The following NAV2 variants were observed in gnomAD, a reference collection of about 807,000 sequenced individuals.
NAV2 encodes helicase, APC down-regulated 1.
Under a neutral mutation model 223.2 loss-of-function variants are expected in NAV2, and 54 were observed. That is an observed-to-expected ratio of 0.24 (90% CI 0.19 to 0.30). The LOEUF is 0.30. Ranked by LOEUF, NAV2 falls within the 10% of genes least tolerant of loss-of-function variation. NAV2 has a pLI of 1.00. For synonymous variants in NAV2, 1,279 were observed against 1,239.3 expected (o/e 1.03, Z -0.67); for missense variants, 2,806 against 3,147.5 (o/e 0.89, Z 2.60).
chr11:19,703,075 A>G (rs767677901), intron 1 of NAV2, among the ~76,000 whole-genome samples: 3 of 151,716 alleles, frequency 2.0e-5, no homozygotes, highest in Admixed American at 6.6e-5. Context: ...ACACACATAA[A>G]TATATTAGCA....
At chr11:19,913,868 G>C (rs772958894) in intron 6 of NAV2, among the ~76,000 whole-genome samples, 1 of 152,078 alleles carries the variant, frequency 6.6e-6, no homozygotes, top group East Asian at 1.9e-4. Context: ...TATAGGGACC[G>C]CATAGTCTCC....
At chr11:19,674,627 A>T (rs2048666479) in intron 1 of NAV2, among the ~76,000 whole-genome samples, 1 of 152,206 alleles carries the variant, frequency 6.6e-6, no homozygotes, top group Non-Finnish European at 1.5e-5. Flanking sequence ...AACAGCTTCA[A>T]GTTTCTGTGA....
chr11:19,918,101 G>C (rs2043959538), intron 6 of NAV2, among the ~76,000 whole-genome samples: 1 of 152,228 alleles, frequency 6.6e-6, no homozygotes, highest in Non-Finnish European at 1.5e-5. Flanking sequence ...CCCCTCTTCA[G>C]GGAGAGAACC....
At chr11:20,047,239 T>C (rs548331698) in intron 14 of NAV2, among the ~76,000 whole-genome samples, 2 of 152,374 alleles carry the variant, frequency 1.3e-5, no homozygotes, top group South Asian at 4.1e-4. Flanking sequence ...ACCCTTAGGC[T>C]AGTGTAATGG....
intron 6 of NAV2, among the ~76,000 whole-genome samples, chr11:19,932,309 T>C (rs1337573282): frequency 6.7e-6 from 1 of 148,378 alleles, no homozygotes; most frequent in South Asian, 2.1e-4. Flanking sequence ...ACCTGAACCA[T>C]GTTTGCAACG....
chr11:19,939,726 C>T lies in NAV2; in HGVS notation c.2099C>T (p.Pro700Leu). 6.2e-7 allele frequency: 1 copy of T among 1,614,118 alleles called. No individual in the cohort carries two copies. Among genetic ancestry groups the T allele is most frequent in the Non-Finnish European group, 8.5e-7 (1 of 1,180,010 alleles). Residue 700 changes from proline to leucine, a missense_variant, in exon 8 of 38, where the codon CCC becomes CTC. By Grantham distance (98) the Pro-to-Leu change is moderately conservative. Transcript: ENST00000349880. The stretch of plus-strand genomic sequence containing the variant: ...AGCTCAACAGGTGTGAGCGTGGAGC[C>T]CAGCCACTTCACCAAGACTGGACAG... ...ESSSTGVSVE[P>L]SHFTKTGQPA...
intron 1 of NAV2, among the ~76,000 whole-genome samples, chr11:19,402,811 G>T (rs761132142): frequency 7.9e-5 from 12 of 152,222 alleles, no homozygotes; most frequent in Non-Finnish European, 1.6e-4. Context: ...ATGGCACATT[G>T]TGGGTTCTCA....
chr11:19,910,169 AT>A (rs1325704026), intron 6 of NAV2, among the ~76,000 whole-genome samples: 1 of 152,242 alleles, frequency 6.6e-6, no homozygotes, highest in African/African-American at 2.4e-5. Flanking sequence ...ACGGGCCTAC[AT>A]TATGCAGCTA....
At chr11:19,938,302 G>T (rs752648157) in intron 7 of NAV2, among the ~76,000 whole-genome samples, 1 of 152,130 alleles carries the variant, frequency 6.6e-6, no homozygotes, top group Non-Finnish European at 1.5e-5. Context: ...AACTTAGGAA[G>T]AGTGTAGAAT....
intron 36 of NAV2, 39 bp from the exon 37 acceptor site, chr11:20,114,553 G>T: frequency 1.3e-6 from 2 of 1,597,696 alleles, no homozygotes; most frequent in South Asian, 1.1e-5. Context: ...AGAGAGATCT[G>T]GGCCACTTCC....
intron 1 of NAV2, among the ~76,000 whole-genome samples, chr11:19,634,070 T>C (rs2047422686): frequency 6.6e-6 from 1 of 152,234 alleles, no homozygotes; most frequent in Non-Finnish European, 1.5e-5. Flanking sequence ...CTTGCCCCTC[T>C]CACCTGTGTC....
intron 8 of NAV2, among the ~76,000 whole-genome samples, chr11:19,943,227 T>A (rs2046553300): frequency 6.6e-6 from 1 of 152,146 alleles, no homozygotes; most frequent in South Asian, 2.1e-4. Context: ...TGTGGCCAAA[T>A]TGGCAGTAAA....
intron 1 of NAV2, among the ~76,000 whole-genome samples, chr11:19,500,197 G>C (rs1005719915): frequency 2.0e-5 from 3 of 152,108 alleles, no homozygotes; most frequent in Non-Finnish European, 4.4e-5. Flanking sequence ...CTCCTATTCC[G>C]TGGCCATGAG....
At chr11:19,891,819 AGAT>A (rs1263420062) in intron 5 of NAV2, among the ~76,000 whole-genome samples, 1 of 152,206 alleles carries the variant, frequency 6.6e-6, no homozygotes, top group African/African-American at 2.4e-5. Context: ...CTATCAGAAG[AGAT>A]GCACACACAA....
intron 1 of NAV2, among the ~76,000 whole-genome samples, chr11:19,700,074 C>A (rs1052361148): frequency 3.3e-5 from 5 of 152,152 alleles, no homozygotes; most frequent in Non-Finnish European, 5.9e-5. Flanking sequence ...CATGCAGTGG[C>A]CCTAAGGTAG....
chr11:19,662,466 T>G (rs919199991), intron 1 of NAV2, among the ~76,000 whole-genome samples: 2 of 152,208 alleles, frequency 1.3e-5, no homozygotes, highest in Non-Finnish European at 2.9e-5. Flanking sequence ...ACCAGATCCC[T>G]GCCTCCTCAG....
At chr11:19,807,674 G>T (rs903436416) in intron 1 of NAV2, among the ~76,000 whole-genome samples, 1 of 152,140 alleles carries the variant, frequency 6.6e-6, no homozygotes, top group Non-Finnish European at 1.5e-5. Context: ...GATATCCACT[G>T]CAGGCTCCCC....
intron 26 of NAV2, among the ~76,000 whole-genome samples, chr11:20,089,979 A>C (rs2060721885): frequency 6.6e-6 from 1 of 152,156 alleles, no homozygotes; most frequent in South Asian, 2.1e-4. Context: ...CTTGCCTGTC[A>C]CACCATCCCG....
chr11:19,787,545 T>C (rs1041116672), intron 1 of NAV2, among the ~76,000 whole-genome samples: 1 of 152,186 alleles, frequency 6.6e-6, no homozygotes, highest in Non-Finnish European at 1.5e-5. Context: ...ATACAAATCA[T>C]TGTGACCCTG....
Sources: allele counts gnomAD v4.1 joint callset (sites outside exome capture counted in the v4.1 genomes callset), GRCh38; gene constraint gnomAD v4.1.1; transcripts MANE v1.5; gene names NCBI Gene and HGNC (gene_info 2026-07-23, HGNC 2026-07-21).